The following NUMB variants were observed in gnomAD, a reference collection of about 807,000 sequenced individuals.
NUMB encodes the protein protein numb homolog.
Under a neutral mutation model 59.7 loss-of-function variants are expected in NUMB, and 29 were observed. The observed-to-expected ratio is 0.49, with a 90% CI of 0.36 to 0.66. The LOEUF is 0.66. Among genes scored for constraint, NUMB ranks in the 30% least tolerant of loss-of-function variants. The pLI, the probability that NUMB is intolerant of heterozygous loss-of-function variation, is 0.00. For missense variants in NUMB, 723 were observed against 822.0 expected (o/e 0.88, Z 1.47); for synonymous variants, 288 against 288.2 (o/e 1.00, Z 0.01).
At chr14:73,350,890 C>A (rs1893213967) in intron 4 of NUMB, among the ~76,000 whole-genome samples, 1 of 152,150 alleles carries the variant, frequency 6.6e-6, no homozygotes, top group Non-Finnish European at 1.5e-5. Context: ...ACAGTCACCA[C>A]CCTAGTCTAA....
At chr14:73,286,054 T>G (rs988680396) in intron 9 of NUMB, 2 of 151,922 alleles carry the variant, frequency 1.3e-5, no homozygotes, top group African/African-American at 4.8e-5. Flanking sequence ...GACAGGGTTT[T>G]GCTGTTACCC....
intron 2 of NUMB, among the ~76,000 whole-genome samples, chr14:73,378,162 T>C (rs1388556979): frequency 6.6e-6 from 1 of 152,074 alleles, no homozygotes; most frequent in Admixed American, 6.5e-5. Flanking sequence ...AAAGAAATTA[T>C]CATATGTCAT....
At chr14:73,431,566 G>C (rs899953858) in intron 1 of NUMB, among the ~76,000 whole-genome samples, 1 of 151,168 alleles carries the variant, frequency 6.6e-6, no homozygotes, top group Admixed American at 6.6e-5. Context: ...GGCCAACATG[G>C]TGAAACCCTG....
At chr14:73,344,468 G>A (rs572302170) in intron 4 of NUMB, among the ~76,000 whole-genome samples, 17 of 152,284 alleles carry the variant, frequency 1.1e-4, no homozygotes, top group African/African-American at 3.8e-4. Flanking sequence ...TCTCAGAAAG[G>A]TGTGGTCTCC....
rs145100034 is a variant in NUMB, at chr14:73,442,470, T to C, written c.-233+16023A>G. On this transcript the variant is annotated intron_variant, in intron 1 of 12. Coordinates refer to ENST00000555238, the MANE Select transcript of NUMB (RefSeq NM_001005743.2). ...AAAAACTTTTATGTGAATGTTCATA[T>C]TGGCTCTATTTGAATAGCCAAAAAC... 2.7e-3 allele frequency among the ~76,000 whole-genome samples: 409 copies of C among 152,338 alleles called. 1 individual carries two copies. Among genetic ancestry groups the C allele is most frequent in the African/African-American group, 9.3e-3 (388 of 41,590 alleles).
At chr14:73,398,750 A>C (rs777014390) in intron 2 of NUMB, among the ~76,000 whole-genome samples, 12 of 152,152 alleles carry the variant, frequency 7.9e-5, no homozygotes, top group Non-Finnish European at 1.6e-4. Context: ...ATATTGGTGA[A>C]TATTTAAGGA....
rs78009252 is a variant in NUMB at position 73,358,523 on chromosome 14, G to A, written c.-15-2757C>T. On this transcript the variant is annotated intron_variant, in intron 3 of 12. Transcript: ENST00000555238. ...CTCCCTCTGCCTAGAAAGAAATATCGTTACCTGTGCATGTCTGGTTAAAGT... is the reference window on the plus strand; with the variant it reads ...CTCCCTCTGCCTAGAAAGAAATATCATTACCTGTGCATGTCTGGTTAAAGT... Among the ~76,000 whole-genome samples, 23 of 150,384 alleles carry A rather than the reference G, an allele frequency of 1.5e-4. No homozygotes were observed. The East Asian group carries it at 3.1e-3, about 20-fold the overall frequency.
chr14:73,316,662 C>T (rs538673962), intron 5 of NUMB, among the ~76,000 whole-genome samples: 1 of 152,170 alleles, frequency 6.6e-6, no homozygotes, highest in African/African-American at 2.4e-5. Flanking sequence ...GAAATCAGAA[C>T]CTGTATCCAT....
intron 2 of NUMB, chr14:73,409,004 C>A (rs550161929): frequency 6.6e-6 from 1 of 151,968 alleles, no homozygotes; most frequent in African/African-American, 2.4e-5. Context: ...TCTTATTGAA[C>A]TCATACACCA....
chr14:73,372,493 AAT>A (rs1333154912), intron 2 of NUMB, among the ~76,000 whole-genome samples: 1 of 148,698 alleles, frequency 6.7e-6, no homozygotes, highest in Non-Finnish European at 1.5e-5. Flanking sequence ...TTAATATTTA[AAT>A]ATAGATTAAT....
chr14:73,310,235 A>C (rs1890702043), intron 6 of NUMB, among the ~76,000 whole-genome samples: 1 of 152,196 alleles, frequency 6.6e-6, no homozygotes, highest in Non-Finnish European at 1.5e-5. Context: ...CGAATAGGCA[A>C]AGGGCATAGC....
chr14:73,391,871 C>T lies in NUMB; in HGVS notation c.-101+18066G>A, dbSNP rs559397130. Among the ~76,000 whole-genome samples, 16 of 152,288 alleles carry T rather than the reference C, an allele frequency of 1.1e-4. No homozygotes were observed. The East Asian group carries it at 1.5e-3, about 15-fold the overall frequency. ...CACAGAATTGGGTTCTACTCAAATA[C>T]TTTATTATAAAATAATCCTGGAAGA... On this transcript the variant is annotated intron_variant, in intron 2 of 12. Transcript: ENST00000555238.
intron 4 of NUMB, among the ~76,000 whole-genome samples, chr14:73,331,164 A>G (rs1354614886): frequency 6.6e-6 from 1 of 152,208 alleles, no homozygotes; most frequent in Non-Finnish European, 1.5e-5. Flanking sequence ...TCATTCCTAC[A>G]TAAGATTTAT....
intron 6 of NUMB, among the ~76,000 whole-genome samples, chr14:73,308,135 T>C (rs1348054269): frequency 6.6e-6 from 1 of 152,186 alleles, no homozygotes; most frequent in East Asian, 1.9e-4. Context: ...AGGATGCTAC[T>C]GCAATGGTTC....
chr14:73,329,390 G>A (rs1242747718), intron 4 of NUMB, among the ~76,000 whole-genome samples: 1 of 152,128 alleles, frequency 6.6e-6, no homozygotes, highest in Non-Finnish European at 1.5e-5. Context: ...GTCATATATA[G>A]TAGTGCTAAA....
At chr14:73,387,752 C>A (rs1288358516) in intron 2 of NUMB, among the ~76,000 whole-genome samples, 3,746 of 140,644 alleles carry the variant, frequency 0.027, 190 homozygotes, top group African/African-American at 0.1. Flanking sequence ...AAAACAAAAA[C>A]AAACAAACAA....
At chr14:73,299,683 T>G (rs983947527) in intron 6 of NUMB, among the ~76,000 whole-genome samples, 7 of 151,912 alleles carry the variant, frequency 4.6e-5, no homozygotes, top group Non-Finnish European at 8.8e-5. Context: ...GAAGTAGAAG[T>G]TAGACTAGAA....
rs1379075495 is a variant in NUMB, at chr14:73,301,861, G to A, written c.235-4576C>T. 2.0e-5 allele frequency among the ~76,000 whole-genome samples: 3 copies of A among 152,174 alleles called. No individual in the cohort carries two copies. In the East Asian group the frequency reaches 5.8e-4, roughly 30 times the overall value. On this transcript the variant is annotated intron_variant, in intron 6 of 12. Transcript: ENST00000555238. ...TTTGGGAGGCCAAGGCAGGTGGATC[G>A]CTTGAGGCCAGGAGTTCGAAACCAG... is the stretch of plus-strand genomic sequence containing the variant.
intron 1 of NUMB, among the ~76,000 whole-genome samples, chr14:73,440,589 T>C (rs1882983442): frequency 6.6e-6 from 1 of 151,774 alleles, no homozygotes; most frequent in South Asian, 2.1e-4. Flanking sequence ...CTCACACCTG[T>C]AATCCCAGCA....
Sources: allele counts gnomAD v4.1 joint callset (sites outside exome capture counted in the v4.1 genomes callset), GRCh38; gene constraint gnomAD v4.1.1; transcripts MANE v1.5; gene names NCBI Gene and HGNC (gene_info 2026-07-23, HGNC 2026-07-21).